IL1RAPL1: variants seen among roughly 807,000 people sequenced by gnomAD.
IL1RAPL1 encodes the protein interleukin-1 receptor accessory protein-like 1.
In IL1RAPL1, 3 loss-of-function variants were observed where a neutral mutation model predicts 48.4. The ratio of observed to expected loss-of-function variants is 0.06; its 90% confidence interval spans 0.03 to 0.16. IL1RAPL1 has a LOEUF of 0.16. IL1RAPL1 is among the 10% of genes least tolerant of loss of function. The pLI, the probability that IL1RAPL1 is intolerant of heterozygous loss-of-function variation, is 1.00. For missense variants in IL1RAPL1, 349 were observed against 530.6 expected (o/e 0.66, Z 3.36); for synonymous variants, 185 against 187.7 (o/e 0.99, Z 0.12).
chrX:29,666,150 G>T (rs1477147827), intron 5 of IL1RAPL1, among the ~76,000 whole-genome samples: 1 of 110,596 alleles, frequency 9.0e-6, no homozygotes, highest in Non-Finnish European at 1.9e-5. Flanking sequence ...TTTTATTAAA[G>T]TTTTTTAACT....
Position 29,608,794 on chromosome X carries a change from C to G in IL1RAPL1, c.704-59636C>G, listed in dbSNP as rs896453414. On this transcript the variant is annotated intron_variant, in intron 5 of 10. Coordinates refer to ENST00000378993, the MANE Select transcript of IL1RAPL1 (RefSeq NM_014271.4). ...TGAGCCGAGATCTCACCACTGCACTCCAGCCTGGGCGACAGAGCGAGACTC... is the reference window on the plus strand; with the variant it reads ...TGAGCCGAGATCTCACCACTGCACTGCAGCCTGGGCGACAGAGCGAGACTC... Among the ~76,000 whole-genome samples the G allele has an allele frequency of 2.8e-5, 3 of 107,132 alleles. No individual in the cohort carries two copies. In the Admixed American group the frequency reaches 3.0e-4, roughly 11 times the overall value. 93.0% of individuals were successfully genotyped at this position (107,132 alleles called of 115,157 possible). A position where few individuals can be genotyped will look rare whatever the true frequency, so the allele number is the denominator to read the frequency against.
At chrX:28,672,161 A>C (rs1934952779) in intron 1 of IL1RAPL1, among the ~76,000 whole-genome samples, 1 of 111,734 alleles carries the variant, frequency 8.9e-6, no homozygotes, top group African/African-American at 3.3e-5. Context: ...CAGACCTTAT[A>C]ATTGAACGTT....
At chrX:28,592,229 G>A (rs1182960675) in intron 1 of IL1RAPL1, among the ~76,000 whole-genome samples, 1 of 111,857 alleles carries the variant, frequency 8.9e-6, no homozygotes, top group African/African-American at 3.2e-5. Flanking sequence ...TTTTATGTGT[G>A]AGAGTGTTTT....
At chrX:29,022,632 G>T (rs780691313) in intron 2 of IL1RAPL1, among the ~76,000 whole-genome samples, 8 of 111,318 alleles carry the variant, frequency 7.2e-5, no homozygotes, top group Non-Finnish European at 1.3e-4. Context: ...TGGGTGATTA[G>T]CTTAGAAGTC....
At chrX:29,587,392 G>T (rs767328075) in intron 5 of IL1RAPL1, among the ~76,000 whole-genome samples, 2 of 108,988 alleles carry the variant, frequency 1.8e-5, no homozygotes, top group Admixed American at 2.0e-4. Flanking sequence ...GGGTTGGGGG[G>T]CATTGGAGTA....
chrX:29,302,910 C>T (rs914134728), intron 3 of IL1RAPL1, among the ~76,000 whole-genome samples: 4 of 111,862 alleles, frequency 3.6e-5, no homozygotes, highest in African/African-American at 1.3e-4. Context: ...TGTTTTATCC[C>T]TTTTGGCAAC....
At chrX:29,913,029 C>A (rs1156299339) in intron 6 of IL1RAPL1, among the ~76,000 whole-genome samples, 4 of 111,233 alleles carry the variant, frequency 3.6e-5, no homozygotes, top group African/African-American at 9.8e-5. Flanking sequence ...TGGGTTCCAA[C>A]GTCACAGCTC....
intron 3 of IL1RAPL1, among the ~76,000 whole-genome samples, chrX:29,285,855 G>A (rs1267626213): frequency 9.0e-6 from 1 of 111,500 alleles, no homozygotes; most frequent in East Asian, 2.8e-4. Flanking sequence ...GAAATAGCAC[G>A]GCTTGGTGTT....
intron 5 of IL1RAPL1, among the ~76,000 whole-genome samples, chrX:29,608,781 T>C (rs751630024): frequency 9.8e-6 from 1 of 102,211 alleles, no homozygotes; most frequent in South Asian, 4.7e-4. Flanking sequence ...AGCCGAGATC[T>C]CACCACTGCA....
intron 2 of IL1RAPL1, among the ~76,000 whole-genome samples, chrX:29,261,355 T>C (rs1376001211): frequency 2.7e-5 from 3 of 111,410 alleles, no homozygotes. Flanking sequence ...TCAGGCTCTT[T>C]ATAAATGTTT....
chrX:29,540,540 G>A (rs767384650), intron 5 of IL1RAPL1, among the ~76,000 whole-genome samples: 14 of 111,813 alleles, frequency 1.3e-4, no homozygotes, highest in African/African-American at 3.9e-4. Flanking sequence ...TAACTATAAG[G>A]CTGCAGTAGC....
chrX:29,446,461 GA>G (rs1193285382), intron 5 of IL1RAPL1, among the ~76,000 whole-genome samples: 1 of 111,229 alleles, frequency 9.0e-6, no homozygotes, highest in Non-Finnish European at 1.9e-5. Flanking sequence ...TTTTAAGGGG[GA>G]AAAAGACCAA....
chrX:29,106,022 T>C (rs1456981510), intron 2 of IL1RAPL1, among the ~76,000 whole-genome samples: 1 of 112,514 alleles, frequency 8.9e-6, no homozygotes, highest in Non-Finnish European at 1.9e-5. Flanking sequence ...CAACTTGACT[T>C]GAACTAAACT....
chrX:28,805,265 AG>A (rs1298671050), intron 2 of IL1RAPL1, among the ~76,000 whole-genome samples: 20 of 111,433 alleles, frequency 1.8e-4, no homozygotes, highest in Non-Finnish European at 3.0e-4. Flanking sequence ...GGGAGGTGGA[AG>A]GTAATTCCAG....
intron 2 of IL1RAPL1, among the ~76,000 whole-genome samples, chrX:29,023,807 A>G (rs1926423653): frequency 8.9e-6 from 1 of 111,992 alleles, no homozygotes; most frequent in Non-Finnish European, 1.9e-5. Context: ...GCAGTGTTTT[A>G]TATCCACCAG....
intron 5 of IL1RAPL1, among the ~76,000 whole-genome samples, chrX:29,508,112 C>T (rs1207116662): frequency 9.0e-6 from 1 of 111,392 alleles, no homozygotes; most frequent in African/African-American, 3.3e-5. Flanking sequence ...TTTTTTAATA[C>T]TTAAAAACAT....
intron 3 of IL1RAPL1, among the ~76,000 whole-genome samples, chrX:29,333,720 A>G (rs1440376360): frequency 2.2e-5 from 1 of 45,888 alleles, no homozygotes; most frequent in Non-Finnish European, 3.9e-5. Flanking sequence ...TGACCCCCCC[A>G]CCTCCCTCCC....
intron 9 of IL1RAPL1, among the ~76,000 whole-genome samples, chrX:29,942,501 C>G (rs1461318215): frequency 9.0e-6 from 1 of 111,145 alleles, no homozygotes; most frequent in Non-Finnish European, 1.9e-5. Flanking sequence ...CTAAACTGCA[C>G]ATTAGACTTA....
chrX:28,707,249 A>G (rs1235982886), intron 1 of IL1RAPL1, among the ~76,000 whole-genome samples: 2 of 112,245 alleles, frequency 1.8e-5, no homozygotes, highest in Non-Finnish European at 3.8e-5. Context: ...ATGCTGAGGC[A>G]TTTATATTCC....
Sources: allele counts gnomAD v4.1 joint callset (sites outside exome capture counted in the v4.1 genomes callset), GRCh38; gene constraint gnomAD v4.1.1; transcripts MANE v1.5; gene names NCBI Gene and HGNC (gene_info 2026-07-23, HGNC 2026-07-21).